SRRD: variants seen among roughly 807,000 people sequenced by gnomAD.
SRRD encodes SRR1-like protein.
SRRD carries 28 observed loss-of-function variants against 30.7 expected under a neutral mutation model. The ratio of observed to expected loss-of-function variants is 0.91; its 90% confidence interval spans 0.68 to 1.25. The LOEUF (loss-of-function observed/expected upper bound fraction) is 1.25. SRRD is among the 50% of genes most tolerant of loss of function. The pLI is 0.00. For missense variants in SRRD, 415 were observed against 417.3 expected, an observed-to-expected ratio of 0.99 and a Z score of 0.05; for synonymous variants, 161 against 159.6, an observed-to-expected ratio of 1.01 and a Z score of -0.07.
chr22:26,488,170 T>A lies in SRRD; in HGVS notation c.392T>A (p.Ile131Asn). ...DVATDSIPRE[I>N]LVTGTCHLKC... ...GCCACTGATTCTATCCCAAGAGAGA[T>A]CTTGGTCACAGGAACCTGCCATTTG... Residue 131 changes from isoleucine (I) to asparagine (N), a missense_variant, in exon 3 of 7, where the codon ATC (isoleucine) becomes AAC (asparagine). Ile to Asn is a moderately radical substitution (Grantham distance 149, BLOSUM62 -3). Coordinates refer to ENST00000215917, the MANE Select transcript of SRRD (RefSeq NM_001013694.3). The A allele has an allele frequency of 6.2e-7, 1 of 1,614,182 alleles. No homozygotes were observed. Among genetic ancestry groups the A allele is most frequent in the Non-Finnish European group, 8.5e-7 (1 of 1,180,040 alleles).
chr22:26,490,031 A>G lies in SRRD; in HGVS notation c.610-13A>G, dbSNP rs1399205254. On this transcript the variant is annotated splice_polypyrimidine_tract_variant and intron_variant, in intron 4 of 6. Transcript: ENST00000215917. ...TGTGGGCATGTTTACACCTGTGAAT[A>G]TCGTATCCCCAGGAAGGGAAACGGA... 12 of 1,613,754 alleles carry G rather than the reference A, an allele frequency of 7.4e-6. No individual in the cohort carries two copies. Among genetic ancestry groups the G allele is most frequent in the South Asian group, 1.1e-5 (1 of 91,068 alleles).
chr22:26,491,065 G>C lies in SRRD; in HGVS notation c.805G>C (p.Ala269Pro). 2 of 1,611,620 alleles carry C rather than the reference G, an allele frequency of 1.2e-6. No individual in the cohort carries two copies. Among genetic ancestry groups the C allele is most frequent in the Non-Finnish European group, 8.5e-7 (1 of 1,179,336 alleles). Reference sequence around the variant, plus strand: ...TCTGCAGAAAAATTATCCCTACATTGCAAAGGTATCTATCTGAATAAAGGG... The same window carrying C: ...TCTGCAGAAAAATTATCCCTACATTCCAAAGGTATCTATCTGAATAAAGGG... ...RILQKNYPYI[A>P]KILKGLEELE... is the part of the protein sequence containing the mutation. The change falls in exon 6 of 7, where the codon GCA (alanine) becomes CCA (proline). Residue 269 changes from alanine (A) to proline (P), a missense_variant. Coordinates refer to ENST00000215917, the MANE Select transcript of SRRD (RefSeq NM_001013694.3).
rs764861999 is a variant in SRRD, at chr22:26,488,383, C to G, written c.511-7C>G. On this transcript the variant is annotated splice_region_variant and splice_polypyrimidine_tract_variant and intron_variant, in intron 3 of 6. Transcript: ENST00000215917. Reference sequence around the variant, plus strand: ...GTTGAAGTAAACAACTCATTCTTCCCTTCTAGATTCCCAGAAGTCACTGTT... The same window carrying G: ...GTTGAAGTAAACAACTCATTCTTCCGTTCTAGATTCCCAGAAGTCACTGTT... 1 of 1,613,944 alleles carries G rather than the reference C, an allele frequency of 6.2e-7. No individual in the cohort carries two copies. Among genetic ancestry groups the G allele is most frequent in the African/African-American group, 1.3e-5 (1 of 74,920 alleles).
Position 26,488,435 on chromosome 22 carries a change from C to T in SRRD, c.556C>T (p.Leu186Phe). ...CWVYDPLFSQ[L>F]EIEVLNTLGV... Reference sequence around the variant, plus strand: ...GGTATATGACCCTCTGTTTAGCCAACTTGAAATTGAAGTCCTTAACACCCT... The same window carrying T: ...GGTATATGACCCTCTGTTTAGCCAATTTGAAATTGAAGTCCTTAACACCCT... Residue 186 changes from leucine to phenylalanine, a missense_variant, in exon 4 of 7, where the codon CTT becomes TTT. Physicochemically the swap from Leu to Phe is conservative, Grantham distance 22. Transcript: ENST00000215917. 1 of 1,614,174 alleles carries T rather than the reference C, an allele frequency of 6.2e-7. No individual in the cohort carries two copies. The highest frequency in any genetic ancestry group is 8.5e-7 in the Non-Finnish European group (1 of 1,180,010).
chr22:26,490,193 G>A lies in SRRD; in HGVS notation c.759G>A (p.Glu253=). Residue 253 remains glutamate, a synonymous_variant, in exon 5 of 7, where the codon GAG becomes GAA. Coordinates refer to ENST00000215917, the MANE Select transcript of SRRD (RefSeq NM_001013694.3). Reference sequence around the variant, plus strand: ...TTGGGAACAGTTTCAAAGGACTTGAGGAGAGGTAAGTCTGAGAATGCTGAG... The same window carrying A: ...TTGGGAACAGTTTCAAAGGACTTGAAGAGAGGTAAGTCTGAGAATGCTGAG... ...VIIGNSFKGL[E]ERLLARILQK... 1 of 1,614,140 alleles carries A rather than the reference G, an allele frequency of 6.2e-7. No homozygotes were observed. The highest frequency in any genetic ancestry group is 8.5e-7 in the Non-Finnish European group (1 of 1,180,018).
At position 26,492,502 on chromosome 22, in the gene SRRD, A is replaced by T; in HGVS notation, c.*830A>T. The stretch of plus-strand genomic sequence containing the variant: ...TGAAGGGCAGCTCTGCCTCAAAGAT[A>T]CAACTTTGGAGGAAGTTTAGACGAC... On this transcript the variant is annotated 3_prime_UTR_variant, in exon 7 of 7. Coordinates refer to ENST00000215917, the MANE Select transcript of SRRD (RefSeq NM_001013694.3). 1 of 757,420 alleles carries T rather than the reference A, an allele frequency of 1.3e-6. No individual in the cohort carries two copies. The highest frequency in any genetic ancestry group is 1.8e-5 in the South Asian group (1 of 57,116). 46.9% of individuals were successfully genotyped at this position (757,420 alleles called of 1,614,324 possible). A position where few individuals can be genotyped will look rare whatever the true frequency, so the allele number is the denominator to read the frequency against.
At chr22:26,485,561 A>C (rs1038595277) in intron 1 of SRRD, among the ~76,000 whole-genome samples, 1 of 152,212 alleles carries the variant, frequency 6.6e-6, no homozygotes, top group Non-Finnish European at 1.5e-5. Flanking sequence ...TTATAATAAC[A>C]AATACCATTT....
In SRRD at chr22:26,490,199, G is replaced by A. The variant is rs1569152227; in HGVS notation, c.764+1G>A. ...ACAGTTTCAAAGGACTTGAGGAGAG[G>A]TAAGTCTGAGAATGCTGAGATTCTG... On this transcript the variant is annotated splice_donor_variant, in intron 5 of 6. Transcript: ENST00000215917. LOFTEE classifies it high-confidence loss of function. The A allele has an allele frequency of 6.2e-7, 1 of 1,614,046 alleles. No individual in the cohort carries two copies. The highest frequency in any genetic ancestry group is 2.2e-5 in the East Asian group (1 of 44,868).
Position 26,494,185 on chromosome 22 carries a change from A to C in SRRD, c.*2513A>C. 1 of 1,614,230 alleles carries C rather than the reference A, an allele frequency of 6.2e-7. No homozygotes were observed. The highest frequency in any genetic ancestry group is 8.5e-7 in the Non-Finnish European group (1 of 1,180,036). Reference sequence around the variant, plus strand: ...GGTTCATGATATCAAGTGCCTCATTAAATTTGTCCTTGACAGATGGATGTG... The same window carrying C: ...GGTTCATGATATCAAGTGCCTCATTCAATTTGTCCTTGACAGATGGATGTG... On this transcript the variant is annotated 3_prime_UTR_variant, in exon 7 of 7. Transcript: ENST00000215917.
At chr22:26,488,321 C>A in intron 3 of SRRD, 33 bp downstream of exon 3, 1 of 1,613,368 alleles carries the variant, frequency 6.2e-7, no homozygotes, top group Non-Finnish European at 8.5e-7. Context: ...ATCTCCTCCT[C>A]CTCTGGTCCT....
intron 2 of SRRD, among the ~76,000 whole-genome samples, chr22:26,486,908 TTGC>T (rs1158054369): frequency 6.6e-6 from 1 of 151,772 alleles, no homozygotes; most frequent in Non-Finnish European, 1.5e-5. Context: ...AAAGATGTCT[TTGC>T]TGCTTTTTTT....
Position 26,494,384 on chromosome 22 carries a change from T to TTAGTATCACAGTCCA in SRRD, c.*2713_*2714insAGTATCACAGTCCAT. The TTAGTATCACAGTCCA allele has an allele frequency of 6.5e-7, 1 of 1,538,116 alleles. No homozygotes were observed. Among genetic ancestry groups the TTAGTATCACAGTCCA allele is most frequent in the Non-Finnish European group, 9.0e-7 (1 of 1,113,914 alleles). ...TTCTGAAGTGGCCATTTGTTTTGTT[T>TTAGTATCACAGTCCA]TGATCCTGGTCCTACAGGCTAGTGA... On this transcript the variant is annotated 3_prime_UTR_variant, in exon 7 of 7. Transcript: ENST00000215917.
chr22:26,488,319 C>G (rs776319589), intron 3 of SRRD, 31 bp downstream of exon 3: 1 of 1,613,040 alleles, frequency 6.2e-7, no homozygotes, highest in Non-Finnish European at 8.5e-7. Flanking sequence ...TCATCTCCTC[C>G]TCCTCTGGTC....
rs770870253 is a variant in SRRD, at chr22:26,494,068, T to C, written c.*2396T>C. The stretch of plus-strand genomic sequence containing the variant: ...GCCTACAGGAACCAGAAAACTCTGA[T>C]TCTGTGTCATTTACATGTGTAAAAT... On this transcript the variant is annotated 3_prime_UTR_variant, in exon 7 of 7. Coordinates refer to ENST00000215917, the MANE Select transcript of SRRD (RefSeq NM_001013694.3). The C allele has an allele frequency of 2.6e-5, 40 of 1,565,122 alleles. No individual in the cohort carries two copies. The highest frequency in any genetic ancestry group is 3.3e-5 in the Non-Finnish European group (38 of 1,147,808).
chr22:26,490,167 A>T lies in SRRD; in HGVS notation c.733A>T (p.Ile245Phe), dbSNP rs760473559. The part of the protein sequence containing the change: ...SVDALSKMVI[I>F]GNSFKGLEER... ...AGATGCCCTTTCTAAGATGGTCATC[A>T]TTGGGAACAGTTTCAAAGGACTTGA... Residue 245 changes from isoleucine (I) to phenylalanine (F), a missense_variant, in exon 5 of 7, where the codon ATT (isoleucine) becomes TTT (phenylalanine). Ile to Phe is a conservative substitution (Grantham distance 21, BLOSUM62 0). Transcript: ENST00000215917. 5 of 1,614,162 alleles carry T rather than the reference A, an allele frequency of 3.1e-6. No individual in the cohort carries two copies. The East Asian group carries it at 1.1e-4, about 36-fold the overall frequency.
At chr22:26,489,765 C>G (rs1348320014) in intron 4 of SRRD, among the ~76,000 whole-genome samples, 4 of 152,104 alleles carry the variant, frequency 2.6e-5, no homozygotes, top group Non-Finnish European at 5.9e-5. Context: ...GTCATAGACC[C>G]AGGAAGCCCC....
intron 4 of SRRD, among the ~76,000 whole-genome samples, chr22:26,489,434 G>C (rs1019041351): frequency 6.6e-6 from 1 of 152,246 alleles, no homozygotes; most frequent in East Asian, 1.9e-4. Flanking sequence ...GAGTTTGCTA[G>C]TGGGACAGAA....
chr22:26,491,660 T>C lies in SRRD; in HGVS notation c.1008T>C (p.Ser336=). ...EIIRNKREDP[S]ATD is the part of the protein sequence containing the mutation. The stretch of plus-strand genomic sequence containing the variant: ...TCAGGAACAAGAGAGAAGATCCTTC[T>C]GCTACTGACTGAACTCGTTGTGAGG... The change falls in exon 7 of 7, where the codon TCT becomes TCC. Residue 336 remains serine, a synonymous_variant. Coordinates refer to ENST00000215917, the MANE Select transcript of SRRD (RefSeq NM_001013694.3). The C allele has an allele frequency of 1.2e-6, 2 of 1,610,502 alleles. No homozygotes were observed. Among genetic ancestry groups the C allele is most frequent in the Non-Finnish European group, 1.7e-6 (2 of 1,180,010 alleles).
chr22:26,492,325 G>GAGAT lies in SRRD; in HGVS notation c.*656_*659dup. The GAGAT allele has an allele frequency of 1.2e-6, 2 of 1,614,210 alleles. No homozygotes were observed. Among genetic ancestry groups the GAGAT allele is most frequent in the Non-Finnish European group, 1.7e-6 (2 of 1,180,050 alleles). The stretch of plus-strand genomic sequence containing the variant: ...AGTCCTTCCTCCGCTCCGTGTGGGT[G>GAGAT]AGATAGGCAATGTTCTCCCGTGCTC... On this transcript the variant is annotated 3_prime_UTR_variant, in exon 7 of 7. Coordinates refer to ENST00000215917, the MANE Select transcript of SRRD (RefSeq NM_001013694.3).
Sources: gnomAD v4.1 joint callset for allele counts (sites outside exome capture counted in the v4.1 genomes callset) on GRCh38, gnomAD v4.1.1 for gene constraint, MANE v1.5 for transcripts, NCBI Gene and HGNC (gene_info 2026-07-23, HGNC 2026-07-21) for gene names.